The following PTK2B variants were observed in gnomAD, a reference collection of about 807,000 sequenced individuals.
The protein encoded by PTK2B is protein tyrosine kinase 2 beta, also known as protein-tyrosine kinase 2-beta.
Under a neutral mutation model 142.9 loss-of-function variants are expected in PTK2B, and 71 were observed. That is an observed-to-expected ratio of 0.50 (90% CI 0.41 to 0.61). The LOEUF (loss-of-function observed/expected upper bound fraction) is 0.61, where lower values mean the gene tolerates loss of function less well. Ranked by LOEUF, PTK2B falls within the 20% of genes least tolerant of loss-of-function variation. PTK2B has a pLI of 0.00. For synonymous variants in PTK2B, 519 were observed against 503.4 expected (o/e 1.03, Z -0.42); for missense variants, 1,105 against 1,320.4 (o/e 0.84, Z 2.53).
At chr8:27,366,401 G>A (rs997107729) in intron 1 of PTK2B, among the ~76,000 whole-genome samples, 4 of 152,224 alleles carry the variant, frequency 2.6e-5, no homozygotes, top group African/African-American at 4.8e-5. Flanking sequence ...TCACCCAGGC[G>A]ACATCCAGCT....
intron 2 of PTK2B, among the ~76,000 whole-genome samples, chr8:27,418,318 G>A (rs980484477): frequency 6.6e-6 from 1 of 152,220 alleles, no homozygotes; most frequent in Non-Finnish European, 1.5e-5. Flanking sequence ...CAAATAACTG[G>A]GCATTCCTTC....
intron 2 of PTK2B, among the ~76,000 whole-genome samples, chr8:27,419,065 A>G (rs1292541727): frequency 5.3e-5 from 8 of 152,126 alleles, no homozygotes; most frequent in African/African-American, 1.9e-4. Context: ...TTTCAGAACT[A>G]GGCAGGGCCT....
At chr8:27,397,415 G>A in intron 1 of PTK2B, 133 bp from the exon 2 acceptor site, 3 of 689,572 alleles carry the variant, frequency 4.4e-6, no homozygotes, top group Non-Finnish European at 7.3e-6. Context: ...GCCTTGCAGG[G>A]GAGCTTTTGG....
intron 5 of PTK2B, among the ~76,000 whole-genome samples, chr8:27,427,680 G>T (rs994062572): frequency 2.0e-5 from 3 of 152,162 alleles, no homozygotes; most frequent in African/African-American, 7.2e-5. Context: ...TAATGTGGAG[G>T]CTGAGCAGGT....
chr8:27,396,793 T>C (rs1271969181), intron 1 of PTK2B, among the ~76,000 whole-genome samples: 1 of 152,220 alleles, frequency 6.6e-6, no homozygotes, highest in African/African-American at 2.4e-5. Flanking sequence ...TCTACATCTG[T>C]GTCAACCCAG....
At chr8:27,391,316 C>T (rs1445444755) in intron 1 of PTK2B, among the ~76,000 whole-genome samples, 1 of 152,060 alleles carries the variant, frequency 6.6e-6, no homozygotes, top group African/African-American at 2.4e-5. Flanking sequence ...AGGCTGATCT[C>T]AAACTCCTGA....
chr8:27,413,615 C>G (rs571500837), intron 2 of PTK2B, among the ~76,000 whole-genome samples: 1 of 152,178 alleles, frequency 6.6e-6, no homozygotes, highest in Non-Finnish European at 1.5e-5. Flanking sequence ...CTTGGTGCAT[C>G]GAGACAGGAA....
chr8:27,435,114 T>G (rs1037669908), intron 13 of PTK2B, among the ~76,000 whole-genome samples: 9 of 152,332 alleles, frequency 5.9e-5, no homozygotes, highest in East Asian at 1.9e-4. Context: ...TAAAACCAGA[T>G]ACTTTATTGC....
intron 8 of PTK2B, 189 bp downstream of exon 8, chr8:27,431,205 C>T (rs1415962594): frequency 1.4e-6 from 2 of 1,472,406 alleles, no homozygotes; most frequent in East Asian, 2.4e-5. Context: ...AAATGTTGGC[C>T]TCCAGCTCTG....
chr8:27,433,358 C>T, intron 10 of PTK2B, 77 bp from the exon 11 acceptor site: 1 of 1,276,824 alleles, frequency 7.8e-7, no homozygotes, highest in Non-Finnish European at 1.1e-6. Flanking sequence ...GGGGTCCTGC[C>T]ATCTCTTCTC....
chr8:27,414,606 C>T (rs73681119), intron 2 of PTK2B, among the ~76,000 whole-genome samples: 3 of 82,358 alleles, frequency 3.6e-5, no homozygotes, highest in African/African-American at 1.2e-4. Context: ...CTCTCTCTCT[C>T]TGTGTGTGTG....
chr8:27,434,592 A>G, intron 13 of PTK2B, 33 bp downstream of exon 13: 1 of 1,589,664 alleles, frequency 6.3e-7, no homozygotes, highest in Non-Finnish European at 8.6e-7. Context: ...CACCTGCTCC[A>G]GTTGCCTCCC....
chr8:27,451,659 G>A lies in PTK2B; in HGVS notation c.2548+150G>A, dbSNP rs955531365. 5 of 1,495,470 alleles carry A rather than the reference G, an allele frequency of 3.3e-6. No individual in the cohort carries two copies. In the East Asian group the frequency reaches 7.4e-5, roughly 22 times the overall value. The allele number at this position is 1,495,470 out of a possible 1,614,324, so 92.6% of individuals were successfully genotyped here. Reference sequence around the variant, plus strand: ...GATTTAATTCAGAGCATGTGGGGCAGGCCAGCTTCCCCTCCGCTCCCTCCA... The same window carrying A: ...GATTTAATTCAGAGCATGTGGGGCAAGCCAGCTTCCCCTCCGCTCCCTCCA... On this transcript the variant is annotated intron_variant, in intron 27 of 30. Transcript: ENST00000346049.
At chr8:27,435,934 G>A (rs1184491286) in intron 14 of PTK2B, 141 bp downstream of exon 14, 4 of 1,106,796 alleles carry the variant, frequency 3.6e-6, no homozygotes. Flanking sequence ...GCAAACCTGA[G>A]ATGCCTTGGA....
intron 1 of PTK2B, among the ~76,000 whole-genome samples, chr8:27,326,057 G>T (rs57900986): frequency 0.012 from 1,897 of 152,054 alleles, 46 homozygotes; most frequent in African/African-American, 0.044. Context: ...TCCTGCCCCC[G>T]CTCCCCGCTC....
intron 21 of PTK2B, among the ~76,000 whole-genome samples, chr8:27,442,516 T>G (rs1811213705): frequency 6.6e-6 from 1 of 152,226 alleles, no homozygotes; most frequent in Non-Finnish European, 1.5e-5. Flanking sequence ...GCTGGGACTT[T>G]GGAAATCTAC....
chr8:27,311,145 C>A, upstream of PTK2B: 2 of 1,605,490 alleles, frequency 1.2e-6, no homozygotes, highest in Middle Eastern at 1.7e-4. Context: ...AGAGTGACTG[C>A]GTCGCGGAAG....
At chr8:27,329,039 G>T (rs781441829) in intron 1 of PTK2B, among the ~76,000 whole-genome samples, 13 of 151,874 alleles carry the variant, frequency 8.6e-5, no homozygotes, top group Non-Finnish European at 1.9e-4. Flanking sequence ...CTGGGTTCAA[G>T]TGATTCTCCT....
intron 1 of PTK2B, among the ~76,000 whole-genome samples, chr8:27,383,381 G>T (rs1807147163): frequency 6.6e-6 from 1 of 152,064 alleles, no homozygotes; most frequent in Non-Finnish European, 1.5e-5. Flanking sequence ...AAGTATCTGG[G>T]ATTACAGGCA....
Sources: allele counts gnomAD v4.1 joint callset (sites outside exome capture counted in the v4.1 genomes callset), GRCh38; gene constraint gnomAD v4.1.1; transcripts MANE v1.5; gene names NCBI Gene and HGNC (gene_info 2026-07-23, HGNC 2026-07-21).